DNAH6: variants seen among roughly 807,000 people sequenced by gnomAD.
The protein encoded by DNAH6 is dynein axonemal heavy chain 6.
DNAH6 carries 340 observed loss-of-function variants against 491.4 expected under a neutral mutation model. The ratio of observed to expected loss-of-function variants is 0.69; its 90% CI spans 0.63 to 0.76. The LOEUF is 0.76. DNAH6 is among the 30% of genes least tolerant of loss of function. DNAH6 has a pLI of 0.00. For missense variants in DNAH6, 4,443 were observed against 4,972.2 expected (o/e 0.89, Z 3.20); for synonymous variants, 1,603 against 1,686.1 (o/e 0.95, Z 1.21).
the DNAH6 span, among the ~76,000 whole-genome samples, chr2:84,482,464 A>G: frequency 3.9e-5 from 6 of 152,230 alleles, no homozygotes; most frequent in Non-Finnish European, 8.8e-5. Flanking sequence ...GTGTCAGGCT[A>G]TTGAATAGCA....
intron 2 of DNAH6, among the ~76,000 whole-genome samples, chr2:84,522,667 A>C (rs1676263409): frequency 6.6e-6 from 1 of 152,034 alleles, no homozygotes; most frequent in Non-Finnish European, 1.5e-5. Flanking sequence ...TTGAGTGTTC[A>C]ACATGAAGGA....
chr2:84,684,486 A>T (rs544142435), intron 42 of DNAH6, among the ~76,000 whole-genome samples: 11 of 152,362 alleles, frequency 7.2e-5, no homozygotes, highest in Admixed American at 5.2e-4. Flanking sequence ...TACAAATATT[A>T]ACTGAAAATA....
chr2:84,512,461 G>A (rs982773450), upstream of DNAH6, among the ~76,000 whole-genome samples: 23 of 152,186 alleles, frequency 1.5e-4, no homozygotes, highest in African/African-American at 2.6e-4. Context: ...TCTGCATTAC[G>A]TCTCCATTTT....
rs572214351 is a variant in DNAH6 at position 84,609,228 on chromosome 2, C to T, written c.3294+2133C>T. 1.8e-4 allele frequency among the ~76,000 whole-genome samples: 27 copies of T among 152,276 alleles called. No homozygotes were observed. In the Middle Eastern group the frequency reaches 0.014, roughly 77 times the overall value. On this transcript the variant is annotated intron_variant, in intron 21 of 76. Coordinates refer to ENST00000389394, the MANE Select transcript of DNAH6 (RefSeq NM_001370.2). ...GGGTTTTGGCTTTTATCATTTGTGTCTACACTGAAGTTGCATTTTTAATTT... is the reference window on the plus strand; with the variant it reads ...GGGTTTTGGCTTTTATCATTTGTGTTTACACTGAAGTTGCATTTTTAATTT...
intron 63 of DNAH6, among the ~76,000 whole-genome samples, chr2:84,749,136 G>A (rs1225775202): frequency 1.3e-5 from 2 of 152,080 alleles, no homozygotes; most frequent in Non-Finnish European, 2.9e-5. Context: ...TCCAGTATTG[G>A]GAATCATATT....
intron 38 of DNAH6, among the ~76,000 whole-genome samples, chr2:84,670,029 C>G (rs911618280): frequency 1.3e-5 from 2 of 152,150 alleles, no homozygotes; most frequent in African/African-American, 4.8e-5. Flanking sequence ...AAAAAATATT[C>G]TAAAAGAAAT....
intron 8 of DNAH6, among the ~76,000 whole-genome samples, chr2:84,548,851 G>A (rs1012827068): frequency 1.3e-5 from 2 of 152,232 alleles, no homozygotes; most frequent in Non-Finnish European, 2.9e-5. Flanking sequence ...GGCCCAGCCT[G>A]GGCATGGAGA....
chr2:84,689,969 T>A (rs1019377082), intron 45 of DNAH6, among the ~76,000 whole-genome samples: 1 of 152,238 alleles, frequency 6.6e-6, no homozygotes, highest in Non-Finnish European at 1.5e-5. Flanking sequence ...GGCAAAATTA[T>A]CCCACATCTT....
chr2:84,727,142 G>A (rs767779976), intron 60 of DNAH6, among the ~76,000 whole-genome samples: 99 of 152,164 alleles, frequency 6.5e-4, no homozygotes, highest in Non-Finnish European at 1.3e-3. Flanking sequence ...TATCAAATCT[G>A]GGTTGAAGAT....
chr2:84,570,829 T>A (rs939111539), intron 11 of DNAH6, among the ~76,000 whole-genome samples: 17 of 152,218 alleles, frequency 1.1e-4, no homozygotes, highest in African/African-American at 4.1e-4. Flanking sequence ...TCAATAAATG[T>A]TGCTGCTGCT....
At chr2:84,507,203 G>A in the DNAH6 span, among the ~76,000 whole-genome samples, 1 of 152,154 alleles carries the variant, frequency 6.6e-6, no homozygotes, top group African/African-American at 2.4e-5. Flanking sequence ...CATGAGCATG[G>A]AATGTTCTTC....
At chr2:84,479,677 CCCA>C in the DNAH6 span, among the ~76,000 whole-genome samples, 3 of 152,194 alleles carry the variant, frequency 2.0e-5, no homozygotes, top group African/African-American at 7.2e-5. Context: ...ATAAAAGAGA[CCCA>C]AGAGTTGCTA....
intron 15 of DNAH6, among the ~76,000 whole-genome samples, chr2:84,588,389 A>G (rs960747639): frequency 1.3e-5 from 2 of 152,154 alleles, no homozygotes; most frequent in Non-Finnish European, 2.9e-5. Context: ...GCCATAAAAC[A>G]TGTCTTGCCA....
intron 20 of DNAH6, among the ~76,000 whole-genome samples, chr2:84,606,141 C>A (rs4146944): frequency 0.81 from 122,741 of 152,206 alleles, 52,196 homozygotes; most frequent in East Asian, 0.99. Flanking sequence ...CATTTAAAAT[C>A]TGAAGGCACA....
At chr2:84,724,025 A>G (rs1158167129) in intron 60 of DNAH6, among the ~76,000 whole-genome samples, 1 of 152,006 alleles carries the variant, frequency 6.6e-6, no homozygotes, top group African/African-American at 2.4e-5. Flanking sequence ...ACCCGACCAA[A>G]GCCTCCCTGG....
chr2:84,703,680 G>A, intron 50 of DNAH6, 118 bp downstream of exon 50: 1 of 958,142 alleles, frequency 1.0e-6, no homozygotes. Context: ...TTAAGTGATA[G>A]ATTTAGCAAA....
chr2:84,775,655 A>G (rs139767394), intron 64 of DNAH6, among the ~76,000 whole-genome samples: 13 of 152,108 alleles, frequency 8.5e-5, no homozygotes, highest in African/African-American at 2.9e-4. Flanking sequence ...TTTGCTTGGT[A>G]GGATTTTTAT....
At chr2:84,640,101 G>A (rs545644672) in intron 31 of DNAH6, among the ~76,000 whole-genome samples, 12 of 152,194 alleles carry the variant, frequency 7.9e-5, no homozygotes, top group African/African-American at 2.4e-4. Context: ...TTTTGTACTC[G>A]GGCCTAATGA....
intron 16 of DNAH6, among the ~76,000 whole-genome samples, chr2:84,592,634 G>A (rs771368050): frequency 5.3e-5 from 8 of 152,066 alleles, no homozygotes; most frequent in South Asian, 2.1e-4. Flanking sequence ...TTGCACTCCC[G>A]TGTTCATTGC....
Sources: allele counts gnomAD v4.1 joint callset (sites outside exome capture counted in the v4.1 genomes callset), GRCh38; gene constraint gnomAD v4.1.1; transcripts MANE v1.5; gene names NCBI Gene and HGNC (gene_info 2026-07-23, HGNC 2026-07-21).